Variants in DOP1B observed in about 807,000 individuals in gnomAD.
The protein encoded by DOP1B is protein DOP1B.
Under a neutral mutation model 233.5 loss-of-function variants are expected in DOP1B, and 174 were observed. That is an observed-to-expected ratio of 0.75 (90% CI 0.66 to 0.85). The LOEUF (loss-of-function observed/expected upper bound fraction) is 0.85, where lower values mean the gene tolerates loss of function less well. Ranked by LOEUF, DOP1B falls within the 40% of genes least tolerant of loss-of-function variation. The pLI, the probability that DOP1B is intolerant of heterozygous loss-of-function variation, is 0.00. For synonymous variants in DOP1B, 1,190 were observed against 1,185.6 expected (o/e 1.00, Z -0.08); for missense variants, 2,652 against 2,846.6 (o/e 0.93, Z 1.56).
chr21:36,273,797 C>A (rs544755659), intron 27 of DOP1B, among the ~76,000 whole-genome samples: 1 of 151,824 alleles, frequency 6.6e-6, no homozygotes, highest in Non-Finnish European at 1.5e-5. Flanking sequence ...ACTAAGGGGC[C>A]GGGCACAGTG....
chr21:36,179,922 G>A (rs544073417), intron 2 of DOP1B, among the ~76,000 whole-genome samples: 140 of 152,252 alleles, frequency 9.2e-4, no homozygotes, highest in Non-Finnish European at 1.5e-3. Context: ...GTCAGTGGAC[G>A]TACAGTGAAG....
At chr21:36,238,970 G>A (rs746763847) in intron 17 of DOP1B, among the ~76,000 whole-genome samples, 22 of 152,156 alleles carry the variant, frequency 1.4e-4, no homozygotes, top group Non-Finnish European at 2.4e-4. Context: ...GGGCGTGGTG[G>A]TGGGCACCTG....
intron 27 of DOP1B, among the ~76,000 whole-genome samples, chr21:36,270,862 A>C (rs532815544): frequency 4.2e-4 from 64 of 151,102 alleles, no homozygotes; most frequent in Middle Eastern, 3.4e-3. Context: ...GCAGTGAGCC[A>C]AGATTGTACC....
intron 1 of DOP1B, among the ~76,000 whole-genome samples, chr21:36,157,629 C>G (rs1250603253): frequency 6.6e-6 from 1 of 152,240 alleles, no homozygotes. Flanking sequence ...CCCGGCCCCA[C>G]AAGTCTGCTG....
chr21:36,157,616 C>G (rs1422460983), intron 1 of DOP1B, among the ~76,000 whole-genome samples: 1 of 152,178 alleles, frequency 6.6e-6, no homozygotes, highest in Non-Finnish European at 1.5e-5. Context: ...GGAAGACCGT[C>G]CCCCCGGCCC....
intron 2 of DOP1B, among the ~76,000 whole-genome samples, chr21:36,173,424 CTTT>C (rs11284211): frequency 2.9e-5 from 4 of 139,774 alleles, no homozygotes; most frequent in Non-Finnish European, 3.1e-5. Context: ...AATAGTTTAT[CTTT>C]TTTTTTTTTT....
At chr21:36,190,698 C>T (rs2066223798) in intron 2 of DOP1B, among the ~76,000 whole-genome samples, 1 of 152,186 alleles carries the variant, frequency 6.6e-6, no homozygotes, top group African/African-American at 2.4e-5. Flanking sequence ...TGCCCCACCT[C>T]AGTTCATCTA....
chr21:36,235,887 C>A (rs933428793), intron 15 of DOP1B, among the ~76,000 whole-genome samples: 1 of 149,438 alleles, frequency 6.7e-6, no homozygotes, highest in Non-Finnish European at 1.5e-5. Context: ...TCTACGTAGT[C>A]AAAAAGTTAT....
At chr21:36,241,155 A>C (rs1233314814) in intron 18 of DOP1B, among the ~76,000 whole-genome samples, 1 of 151,886 alleles carries the variant, frequency 6.6e-6, no homozygotes, top group East Asian at 1.9e-4. Flanking sequence ...TAAGCCAGGC[A>C]TGGTGGCAGG....
At chr21:36,227,400 A>G (rs533524106) in intron 12 of DOP1B, among the ~76,000 whole-genome samples, 4 of 151,422 alleles carry the variant, frequency 2.6e-5, no homozygotes, top group African/African-American at 7.3e-5. Flanking sequence ...ACAAAAAATT[A>G]GCCGGGCGTG....
At position 36,205,842 on chromosome 21, in the gene DOP1B, C is replaced by CA. The variant is rs563948912; in HGVS notation, c.492-2863dup. ...CAACATGGTGAAACCCCGTATCTAC[C>CA]AAAAAAAAAATACAAAAATTAGCCA... On this transcript the variant is annotated intron_variant, in intron 4 of 36. Coordinates refer to ENST00000691173, the MANE Select transcript of DOP1B (RefSeq NM_001320714.2). Among the ~76,000 whole-genome samples, 638 of 146,366 alleles carry CA rather than the reference C, an allele frequency of 4.4e-3. 1 individual carries two copies. Among genetic ancestry groups the CA allele is most frequent in the African/African-American group, 8.5e-3 (340 of 40,052 alleles).
At chr21:36,284,302 G>C (rs1316081023) in intron 32 of DOP1B, among the ~76,000 whole-genome samples, 2 of 114,950 alleles carry the variant, frequency 1.7e-5, no homozygotes. Context: ...ACGGAGTCTC[G>C]CTCTGTCGCC....
At chr21:36,222,484 G>C (rs1601423385) in intron 10 of DOP1B, among the ~76,000 whole-genome samples, 1 of 151,408 alleles carries the variant, frequency 6.6e-6, no homozygotes. Flanking sequence ...TACTCGGGAG[G>C]CTGAGGCAGG....
In DOP1B at chr21:36,293,269, T is replaced by A. The variant is rs147192370; in HGVS notation, c.6646-51T>A. The A allele has an allele frequency of 3.8e-6, 6 of 1,583,026 alleles. No individual in the cohort carries two copies. In the African/African-American group the frequency reaches 6.8e-5, roughly 18 times the overall value. On this transcript the variant is annotated intron_variant, in intron 36 of 36. Transcript: ENST00000691173. ...CACATGCATGTGCTTCCCAGCCATC[T>A]CGAGCCCTCAGTAAAACCATATCAT...
At chr21:36,187,493 C>T (rs540936027) in intron 2 of DOP1B, among the ~76,000 whole-genome samples, 1 of 152,224 alleles carries the variant, frequency 6.6e-6, no homozygotes, top group South Asian at 2.1e-4. Flanking sequence ...GATGGGGTTT[C>T]ACTATGTTGG....
intron 13 of DOP1B, among the ~76,000 whole-genome samples, chr21:36,230,071 G>C (rs530393068): frequency 5.1e-4 from 78 of 151,488 alleles, no homozygotes; most frequent in African/African-American, 1.7e-3. Context: ...AATTGTGGCA[G>C]GTGATCCGCC....
intron 27 of DOP1B, among the ~76,000 whole-genome samples, chr21:36,273,877 C>T (rs968476181): frequency 2.6e-5 from 4 of 152,050 alleles, no homozygotes; most frequent in African/African-American, 9.7e-5. Context: ...AGATCGAGAC[C>T]ATCCTGGCTA....
At chr21:36,233,890 G>C (rs2066795715) in intron 15 of DOP1B, among the ~76,000 whole-genome samples, 1 of 152,118 alleles carries the variant, frequency 6.6e-6, no homozygotes, top group Non-Finnish European at 1.5e-5. Context: ...GTCCCGCTCT[G>C]TCACCCAGGC....
chr21:36,270,239 T>C, intron 27 of DOP1B, 82 bp downstream of exon 27: 1 of 1,470,046 alleles, frequency 6.8e-7, no homozygotes, highest in Non-Finnish European at 9.2e-7. Context: ...TTGAGTGTTC[T>C]CACCACAAAA....
Sources: gnomAD v4.1 joint callset for allele counts (sites outside exome capture counted in the v4.1 genomes callset) on GRCh38, gnomAD v4.1.1 for gene constraint, MANE v1.5 for transcripts, NCBI Gene and HGNC (gene_info 2026-07-23, HGNC 2026-07-21) for gene names.